SNAI2: variants seen among roughly 807,000 people sequenced by gnomAD.
SNAI2 encodes the protein snail family transcriptional repressor 2.
In SNAI2, 2 loss-of-function variants were observed where a neutral mutation model predicts 22.4. That is an observed-to-expected ratio of 0.09 (90% CI 0.04 to 0.28). SNAI2 has a LOEUF of 0.28. SNAI2 is among the 10% of genes least tolerant of loss of function. The pLI is 1.00. For missense variants in SNAI2, 239 were observed against 320.8 expected, an observed-to-expected ratio of 0.75 and a Z score of 1.95; for synonymous variants, 134 against 123.0, an observed-to-expected ratio of 1.09 and a Z score of -0.59.
chr8:48,920,667 C>CGGAGCTAT (rs1170296828), intron 1 of SNAI2, among the ~76,000 whole-genome samples: 1 of 152,142 alleles, frequency 6.6e-6, no homozygotes, highest in African/African-American at 2.4e-5. Flanking sequence ...GACAGCTGCA[C>CGGAGCTAT]GGAGCTATAG....
Position 48,918,998 on chromosome 8 carries a change from G to T in SNAI2, c.626-10C>A. 6.2e-7 allele frequency: 1 copy of T among 1,612,480 alleles called. No individual in the cohort carries two copies. The highest frequency in any genetic ancestry group is 8.5e-7 in the Non-Finnish European group (1 of 1,179,492). The stretch of plus-strand genomic sequence containing the variant: ...GAAAAAGGCTTCTCCCCTGGGGGTG[G>T]AGTGGGAGAAAAAAAGAAAGACAGT... On this transcript the variant is annotated splice_polypyrimidine_tract_variant and intron_variant, in intron 2 of 2. Transcript: ENST00000020945.
At position 48,921,394 on chromosome 8, in the gene SNAI2, C is replaced by A. The variant is rs1353335301; in HGVS notation, c.-129G>T. ...GCTCAGGTGCGGCAGACGGACGGGC[C>A]GGCGCCTCTGAAGTCACCCGGCTCC... On this transcript the variant is annotated 5_prime_UTR_variant, in exon 1 of 3. Coordinates refer to ENST00000020945, the MANE Select transcript of SNAI2 (RefSeq NM_003068.5). The A allele has an allele frequency of 1.5e-5, 11 of 753,150 alleles. No individual in the cohort carries two copies. The Admixed American group carries it at 2.1e-4, about 15-fold the overall frequency. The allele number at this position is 753,150 out of a possible 1,614,324, so 46.7% of individuals were successfully genotyped here. A position where few individuals can be genotyped will look rare whatever the true frequency, so the allele number is the denominator to read the frequency against.
In SNAI2 at chr8:48,920,012, C is replaced by T; in HGVS notation, c.509G>A (p.Ser170Asn). ...AATATGCATCTTCAGGGCGCCCAGG[C>T]TCACATATTCCTTGTCACAGTATTT... Reference protein sequence around the residue: ...SCKYCDKEYVSLGALKMHIRT... With the variant: ...SCKYCDKEYVNLGALKMHIRT... The change falls in exon 2 of 3, where the codon AGC (serine) becomes AAC (asparagine). Residue 170 changes from serine (S) to asparagine (N), a missense_variant. Around this residue, in one of 3 missense-constraint regions of SNAI2, gnomAD observed 31 missense variants for 99.0 expected, o/e 0.31. Transcript: ENST00000020945. The T allele has an allele frequency of 6.2e-7, 1 of 1,614,202 alleles. No individual in the cohort carries two copies. The highest frequency in any genetic ancestry group is 8.5e-7 in the Non-Finnish European group (1 of 1,180,034).
In SNAI2 at chr8:48,921,418, C is replaced by A; in HGVS notation, c.-153G>T. ...CCGGCGCCTCTGAAGTCACCCGGCT[C>A]CTTTACGAACTGAGCCCGTTTTGGC... On this transcript the variant is annotated 5_prime_UTR_variant, in exon 1 of 3. Transcript: ENST00000020945. The A allele has an allele frequency of 1.5e-6, 1 of 674,290 alleles. No homozygotes were observed. Among genetic ancestry groups the A allele is most frequent in the South Asian group, 1.6e-5 (1 of 61,100 alleles). The allele number at this position is 674,290 out of a possible 1,614,324, so 41.8% of individuals were successfully genotyped here.
At position 48,919,951 on chromosome 8, in the gene SNAI2, G is replaced by A. The variant is rs1362719073; in HGVS notation, c.570C>T (p.Cys190=). Residue 190 remains cysteine, a synonymous_variant, in exon 2 of 3, where the codon TGC becomes TGT. Coordinates refer to ENST00000020945, the MANE Select transcript of SNAI2 (RefSeq NM_003068.5). ...ACCAGGGTCTGGAAAACGCCTTGCC[G>A]CAGATCTTGCAAACACAAGGTAATG... ...THTLPCVCKI[C]GKAFSRPWLL... The A allele has an allele frequency of 1.2e-6, 2 of 1,614,018 alleles. No individual in the cohort carries two copies. The highest frequency in any genetic ancestry group is 1.7e-6 in the Non-Finnish European group (2 of 1,180,038).
At position 48,918,659 on chromosome 8, in the gene SNAI2, GT is replaced by G; in HGVS notation, c.*147del. 3 of 414,456 alleles carry G rather than the reference GT, an allele frequency of 7.2e-6. No individual in the cohort carries two copies. Among genetic ancestry groups the G allele is most frequent in the South Asian group, 6.2e-5 (2 of 32,028 alleles). The allele number at this position is 414,456 out of a possible 1,614,324, so 25.7% of individuals were successfully genotyped here. ...TGCTCTTGCAGCTCTCTCTCTGTGG[GT>G]GTGTGTGTGTGTGTGTGCATATGTG... On this transcript the variant is annotated 3_prime_UTR_variant, in exon 3 of 3. Coordinates refer to ENST00000020945, the MANE Select transcript of SNAI2 (RefSeq NM_003068.5).
At position 48,920,257 on chromosome 8, in the gene SNAI2, G is replaced by A. The variant is rs2117648949; in HGVS notation, c.264C>T (p.Pro88=). The A allele has an allele frequency of 1.9e-6, 3 of 1,614,028 alleles. No individual in the cohort carries two copies. The highest frequency in any genetic ancestry group is 1.7e-6 in the Non-Finnish European group (2 of 1,179,950). ...GYSSSLGRVS[P]PPPSDTSSKD... ...TGGAGGAGGTGTCAGATGGAGGAGG[G>A]GGACTCACTCGCCCCAAAGATGAGG... The change falls in exon 2 of 3, where the codon CCC becomes CCT. Residue 88 remains proline (P), a synonymous_variant. Transcript: ENST00000020945.
At chr8:48,919,853 T>C (rs1318931316) in intron 2 of SNAI2, 43 bp downstream of exon 2, 2 of 1,591,576 alleles carry the variant, frequency 1.3e-6, no homozygotes, top group South Asian at 1.1e-5. Flanking sequence ...CAGGGCTTCA[T>C]TGTATCTCAG....
Position 48,919,927 on chromosome 8 carries a change from C to G in SNAI2, c.594G>C (p.Trp198Cys). ...GAGTTCTAATGTGTCCTTGAAGCAA[C>G]CAGGGTCTGGAAAACGCCTTGCCGC... is the stretch of plus-strand genomic sequence containing the variant. The part of the protein sequence containing the change: ...KICGKAFSRP[W>C]LLQGHIRTHT... Residue 198 changes from tryptophan (W) to cysteine (C), a missense_variant, in exon 2 of 3, where the codon TGG becomes TGC. By Grantham distance (215) the Trp-to-Cys change is radical (BLOSUM62 -2). Coordinates refer to ENST00000020945, the MANE Select transcript of SNAI2 (RefSeq NM_003068.5). The G allele has an allele frequency of 6.2e-7, 1 of 1,614,124 alleles. No individual in the cohort carries two copies. Among genetic ancestry groups the G allele is most frequent in the Non-Finnish European group, 8.5e-7 (1 of 1,180,042 alleles).
chr8:48,919,001 T>A lies in SNAI2; in HGVS notation c.626-13A>T. On this transcript the variant is annotated splice_polypyrimidine_tract_variant and intron_variant, in intron 2 of 2. Coordinates refer to ENST00000020945, the MANE Select transcript of SNAI2 (RefSeq NM_003068.5). ...AAAGGCTTCTCCCCTGGGGGTGGAG[T>A]GGGAGAAAAAAAGAAAGACAGTCAG... The A allele has an allele frequency of 6.2e-7, 1 of 1,611,608 alleles. No individual in the cohort carries two copies.
In SNAI2 at chr8:48,920,349, C is replaced by T; in HGVS notation, c.172G>A (p.Val58Met). 6.2e-7 allele frequency: 1 copy of T among 1,613,086 alleles called. No individual in the cohort carries two copies. The highest frequency in any genetic ancestry group is 8.5e-7 in the Non-Finnish European group (1 of 1,179,360). ...LSSGAYSPITVWTTAAPFHAQ... is the reference protein window; with the variant it reads ...LSSGAYSPITMWTTAAPFHAQ... ...TGGAATGGAGCAGCGGTAGTCCACACAGTGATGGGGCTGTATGCTCCTGAG... is the reference window on the plus strand; with the variant it reads ...TGGAATGGAGCAGCGGTAGTCCACATAGTGATGGGGCTGTATGCTCCTGAG... The change falls in exon 2 of 3, where the codon GTG (valine) becomes ATG (methionine). Residue 58 changes from valine to methionine, a missense_variant. Val to Met is a conservative substitution (Grantham distance 21, BLOSUM62 1). Coordinates refer to ENST00000020945, the MANE Select transcript of SNAI2 (RefSeq NM_003068.5).
chr8:48,917,684 CTTG>C lies in SNAI2; in HGVS notation c.*1120_*1122del, dbSNP rs1445119545. On this transcript the variant is annotated 3_prime_UTR_variant, in exon 3 of 3. Transcript: ENST00000020945. Reference sequence around the variant, plus strand: ...CATAATAAGCATTATTCATTTTTTTCTTGTTAACAAACAATTCTTTGTACAGTG... The same window carrying C: ...CATAATAAGCATTATTCATTTTTTTCTTAACAAACAATTCTTTGTACAGTG... The C allele has an allele frequency of 6.6e-6, 1 of 151,946 alleles. No homozygotes were observed. Among genetic ancestry groups the C allele is most frequent in the African/African-American group, 2.4e-5 (1 of 41,400 alleles). 9.4% of individuals were successfully genotyped at this position (151,946 alleles called of 1,614,324 possible).
chr8:48,920,884 G>T (rs1806152981), intron 1 of SNAI2, among the ~76,000 whole-genome samples: 2 of 152,150 alleles, frequency 1.3e-5, no homozygotes, highest in South Asian at 4.1e-4. Context: ...CATGAAAAAC[G>T]CAGTAATTCA....
At position 48,920,344 on chromosome 8, in the gene SNAI2, C is replaced by A; in HGVS notation, c.177G>T (p.Trp59Cys). Residue 59 changes from tryptophan to cysteine, a missense_variant, in exon 2 of 3, where the codon TGG (tryptophan) becomes TGT (cysteine). Physicochemically the swap from Trp to Cys is radical, Grantham distance 215. This residue lies in a region of SNAI2 where 183 missense variants were observed against 190.4 expected (regional missense o/e 0.96). Transcript: ENST00000020945. The stretch of plus-strand genomic sequence containing the variant: ...GGGCGTGGAATGGAGCAGCGGTAGT[C>A]CACACAGTGATGGGGCTGTATGCTC... Reference protein sequence around the residue: ...SSGAYSPITVWTTAAPFHAQL... With the variant: ...SSGAYSPITVCTTAAPFHAQL... 6.2e-7 allele frequency: 1 copy of A among 1,612,962 alleles called. No individual in the cohort carries two copies. The highest frequency in any genetic ancestry group is 8.5e-7 in the Non-Finnish European group (1 of 1,179,258).
At chr8:48,920,476 C>CA (rs1321507264) in intron 1 of SNAI2, 35 bp from the exon 2 acceptor site, 2 of 1,564,482 alleles carry the variant, frequency 1.3e-6, no homozygotes, top group East Asian at 2.2e-5. Context: ...AAGATTAAGG[C>CA]AAAAATAATT....
rs1463899550 is a variant in SNAI2, at chr8:48,918,170, T to A, written c.*637A>T. 2 of 152,442 alleles carry A rather than the reference T, an allele frequency of 1.3e-5. No individual in the cohort carries two copies. The highest frequency in any genetic ancestry group is 4.8e-5 in the African/African-American group (2 of 41,462). The allele number at this position is 152,442 out of a possible 1,614,324, so 9.4% of individuals were successfully genotyped here. On this transcript the variant is annotated 3_prime_UTR_variant, in exon 3 of 3. Coordinates refer to ENST00000020945, the MANE Select transcript of SNAI2 (RefSeq NM_003068.5). ...TCTTTCCCTCCTCCCCCAAGGCACA[T>A]ACTGTTAATTGGCAAAAACAAAACA...
chr8:48,921,135 A>G (rs764442233), intron 1 of SNAI2, 52 bp downstream of exon 1: 1 of 1,271,336 alleles, frequency 7.9e-7, no homozygotes, highest in Non-Finnish European at 1.2e-6. Context: ...ACGTAGATTC[A>G]TATTTGCAAA....
chr8:48,919,854 T>C (rs1241999913), intron 2 of SNAI2, 42 bp downstream of exon 2: 3 of 1,593,296 alleles, frequency 1.9e-6, no homozygotes, highest in Non-Finnish European at 2.6e-6. Context: ...AGGGCTTCAT[T>C]GTATCTCAGA....
chr8:48,920,763 T>C (rs1806150683), intron 1 of SNAI2, among the ~76,000 whole-genome samples: 1 of 152,196 alleles, frequency 6.6e-6, no homozygotes. Flanking sequence ...TTTTTAAACA[T>C]ACAGAAAAGT....
Sources: allele counts gnomAD v4.1 joint callset (sites outside exome capture counted in the v4.1 genomes callset), GRCh38; gene constraint gnomAD v4.1.1; regional missense constraint gnomAD v4.1.1; transcripts MANE v1.5; gene names NCBI Gene and HGNC (gene_info 2026-07-23, HGNC 2026-07-21).